The following COL7A1 variants were observed in gnomAD, a reference collection of about 807,000 sequenced individuals.
COL7A1 encodes the protein collagen type VII alpha 1 chain, also known as collagen alpha-1(VII) chain.
COL7A1 carries 296 observed loss-of-function variants against 456.2 expected under a neutral mutation model. The observed-to-expected ratio is 0.65, with a 90% CI of 0.59 to 0.71. The LOEUF (loss-of-function observed/expected upper bound fraction) is 0.71, where lower values mean the gene tolerates loss of function less well. COL7A1 is among the 30% of genes least tolerant of loss of function. The probability of loss-of-function intolerance (pLI) is 0.00; values close to 1 mark genes in which losing one functional copy is unlikely to be tolerated. For synonymous variants in COL7A1, 1,464 were observed against 1,525.9 expected (o/e 0.96, Z 0.95); for missense variants, 3,441 against 4,017.2 (o/e 0.86, Z 3.88).
At position 48,571,509 on chromosome 3, in the gene COL7A1, A is replaced by G. The variant is rs1176034392; in HGVS notation, c.7069-231T>C. Reference sequence around the variant, plus strand: ...ACCATAGACAGGTGGGAGTTCAGGCATGGCACAGGCACAGGGAGCCCACAC... The same window carrying G: ...ACCATAGACAGGTGGGAGTTCAGGCGTGGCACAGGCACAGGGAGCCCACAC... On this transcript the variant is annotated intron_variant, in intron 92 of 118. Coordinates refer to ENST00000681320, the MANE Select transcript of COL7A1 (RefSeq NM_000094.4). This position sits in a 1 kb window ranked among gnomAD's most constrained non-coding sequence, Gnocchi z 4.6. The G allele has an allele frequency of 1.4e-6, 1 of 714,030 alleles. No individual in the cohort carries two copies. 44.2% of individuals were successfully genotyped at this position (714,030 alleles called of 1,614,324 possible).
In COL7A1 at chr3:48,594,611, G is replaced by A. The variant is rs1000009484; in HGVS notation, c.86-63C>T. 1.3e-6 allele frequency: 2 copies of A among 1,520,674 alleles called. No homozygotes were observed. The highest frequency in any genetic ancestry group is 1.8e-6 in the Non-Finnish European group (2 of 1,131,620). 94.2% of individuals were successfully genotyped at this position (1,520,674 alleles called of 1,614,324 possible). A position where few individuals can be genotyped will look rare whatever the true frequency, so the allele number is the denominator to read the frequency against. On this transcript the variant is annotated intron_variant, in intron 2 of 118. Transcript: ENST00000681320. The surrounding 1 kb of genome is among the most constrained non-coding windows in gnomAD (Gnocchi z 5.5). The stretch of plus-strand genomic sequence containing the variant: ...GGCCAACCACCCGCCTACCCGCACG[G>A]TGGCCTCACTGGGACTTGGGATGGT...
Position 48,594,939 on chromosome 3 carries a change from C to T in COL7A1, c.85+136G>A. On this transcript the variant is annotated intron_variant, in intron 2 of 118. Coordinates refer to ENST00000681320, the MANE Select transcript of COL7A1 (RefSeq NM_000094.4). This position sits in a 1 kb window ranked among gnomAD's most constrained non-coding sequence, Gnocchi z 5.5. ...CGATCGCGGAGGGTTCGGGGAGTCC[C>T]AGAATTAGGAGGAATCCGCGGGGCG... 3.9e-6 allele frequency: 3 copies of T among 775,124 alleles called. No individual in the cohort carries two copies. The South Asian group carries it at 5.0e-5, about 13-fold the overall frequency. 48.0% of individuals were successfully genotyped at this position (775,124 alleles called of 1,614,324 possible).
At position 48,587,040 on chromosome 3, in the gene COL7A1, C is replaced by G; in HGVS notation, c.3208G>C (p.Glu1070Gln). Residue 1070 changes from glutamate (E) to glutamine (Q), a missense_variant, in exon 25 of 119, where the codon GAG becomes CAG. This residue lies in a region of COL7A1 where 444 missense variants were observed against 427.6 expected (regional missense o/e 1.04). Transcript: ENST00000681320. This position sits in a 1 kb window ranked among gnomAD's most constrained non-coding sequence, Gnocchi z 6.1. ...CGCTCCAGGACCCTCCTCGTAGCCT[C>G]CGCACGGTGAGCATTGTCTTGAGTG... ...HATQDNAHRAEATRRVLERLV... is the reference protein window; with the variant it reads ...HATQDNAHRAQATRRVLERLV... The G allele has an allele frequency of 6.2e-7, 1 of 1,608,162 alleles. No homozygotes were observed. The highest frequency in any genetic ancestry group is 8.5e-7 in the Non-Finnish European group (1 of 1,177,262).
rs184628850 is a variant in COL7A1 at position 48,578,045 on chromosome 3, T to C, written c.5532+276A>G. On this transcript the variant is annotated intron_variant, in intron 65 of 118. Coordinates refer to ENST00000681320, the MANE Select transcript of COL7A1 (RefSeq NM_000094.4). This position sits in a 1 kb window ranked among gnomAD's most constrained non-coding sequence, Gnocchi z 4.7. Reference sequence around the variant, plus strand: ...CAGGCATGGTGGCGCATGCCTGTAATCCCAGTTACTCGGGAGGTTGAGGCA... The same window carrying C: ...CAGGCATGGTGGCGCATGCCTGTAACCCCAGTTACTCGGGAGGTTGAGGCA... Among the ~76,000 whole-genome samples, 158 of 152,198 alleles carry C rather than the reference T, an allele frequency of 1.0e-3. No individual in the cohort carries two copies. The highest frequency in any genetic ancestry group is 3.2e-3 in the African/African-American group (132 of 41,512).
Position 48,588,652 on chromosome 3 carries a change from A to G in COL7A1, c.2577T>C (p.Val859=), listed in dbSNP as rs747165097. Residue 859 remains valine, a synonymous_variant, in exon 20 of 119, where the codon GTT becomes GTC. Transcript: ENST00000681320. The surrounding 1 kb of genome is among the most constrained non-coding windows in gnomAD (Gnocchi z 4.6). ...GCATGCTCTGCCTACGCGTAGTGAC[A>G]ACAATGGAGACAGGTGTGCCCTCGC... ...GDREGTPVSI[V]VTTPPEAPPA... is the part of the protein sequence containing the mutation. 3.1e-6 allele frequency: 5 copies of G among 1,613,810 alleles called. No homozygotes were observed. The East Asian group carries it at 8.9e-5, about 29-fold the overall frequency.
Position 48,579,940 on chromosome 3 carries a change from G to A in COL7A1, c.5124+91C>T, listed in dbSNP as rs1361148365. The A allele has an allele frequency of 6.2e-7, 1 of 1,605,418 alleles. No homozygotes were observed. Among genetic ancestry groups the A allele is most frequent in the Non-Finnish European group, 8.5e-7 (1 of 1,172,120 alleles). On this transcript the variant is annotated intron_variant, in intron 57 of 118. Coordinates refer to ENST00000681320, the MANE Select transcript of COL7A1 (RefSeq NM_000094.4). The surrounding 1 kb of genome is among the most constrained non-coding windows in gnomAD (Gnocchi z 4.4). ...TTTCAGAGGGACAGTGGGGGAAGTGGGAGTTAGTGGAAGGAATGAGGGGAC... is the reference window on the plus strand; with the variant it reads ...TTTCAGAGGGACAGTGGGGGAAGTGAGAGTTAGTGGAAGGAATGAGGGGAC...
Position 48,590,483 on chromosome 3 carries a change from G to A in COL7A1, c.1882C>T (p.Arg628Trp), listed in dbSNP as rs148836522. The change falls in exon 15 of 119, where the codon CGG becomes TGG. Residue 628 changes from arginine to tryptophan, a missense_variant. By Grantham distance (101) the Arg-to-Trp change is moderately radical. This residue lies in a region of COL7A1 where 913 missense variants were observed against 1,088.2 expected (regional missense o/e 0.84). Transcript: ENST00000681320. The surrounding 1 kb of genome is among the most constrained non-coding windows in gnomAD (Gnocchi z 4.6). ...WGPVPGASGF[R>W]ISWSTGSGPE... ...CCACTGCCTGTGCTCCAGCTAATCC[G>A]AAATCCACTGGCTCCAGGGACGGGT... The A allele has an allele frequency of 2.6e-4, 422 of 1,614,112 alleles. No individual in the cohort carries two copies. The highest frequency in any genetic ancestry group is 3.1e-4 in the Non-Finnish European group (365 of 1,180,028).
rs770021855 is a variant in COL7A1 at position 48,578,394 on chromosome 3, C to T, written c.5488-29G>A. The T allele has an allele frequency of 5.0e-6, 8 of 1,613,256 alleles. No individual in the cohort carries two copies. Among genetic ancestry groups the T allele is most frequent in the African/African-American group, 1.3e-5 (1 of 74,806 alleles). On this transcript the variant is annotated intron_variant, in intron 64 of 118. Coordinates refer to ENST00000681320, the MANE Select transcript of COL7A1 (RefSeq NM_000094.4). The surrounding 1 kb of genome is among the most constrained non-coding windows in gnomAD (Gnocchi z 4.7). ...TGGGAACAGATCACTGGTTGGATGTCGGGGATCGGGTGAGGGTAGTAAGGG... is the reference window on the plus strand; with the variant it reads ...TGGGAACAGATCACTGGTTGGATGTTGGGGATCGGGTGAGGGTAGTAAGGG...
Position 48,573,362 on chromosome 3 carries a change from A to G in COL7A1, c.6619-14T>C. 6.2e-7 allele frequency: 1 copy of G among 1,614,032 alleles called. No individual in the cohort carries two copies. The highest frequency in any genetic ancestry group is 8.5e-7 in the Non-Finnish European group (1 of 1,180,010). On this transcript the variant is annotated splice_polypyrimidine_tract_variant and intron_variant, in intron 83 of 118. Coordinates refer to ENST00000681320, the MANE Select transcript of COL7A1 (RefSeq NM_000094.4). This position sits in a 1 kb window ranked among gnomAD's most constrained non-coding sequence, Gnocchi z 5.5. The stretch of plus-strand genomic sequence containing the variant: ...TCCAGGCTCCCCCTGCAAACAACCC[A>G]GAGACTGCATGAGCAGAGCCCACGT...
Position 48,579,851 on chromosome 3 carries a change from C to A in COL7A1, c.5125-37G>T, listed in dbSNP as rs368593045. 167 of 1,613,804 alleles carry A rather than the reference C, an allele frequency of 1.0e-4. 2 individuals carry two copies. In the African/African-American group the frequency reaches 1.9e-3, roughly 18 times the overall value. On this transcript the variant is annotated intron_variant, in intron 57 of 118. Transcript: ENST00000681320. The surrounding 1 kb of genome is among the most constrained non-coding windows in gnomAD (Gnocchi z 4.4). ...ATGACCAGTGAGAAGAATGGCTCAA[C>A]AAGGGGAAGAGGAGTTGGCGAGGGG...
chr3:48,593,343 G>T lies in COL7A1; in HGVS notation c.520+13C>A. On this transcript the variant is annotated intron_variant, in intron 5 of 118. Transcript: ENST00000681320. The surrounding 1 kb of genome is among the most constrained non-coding windows in gnomAD (Gnocchi z 4.4). ...ACCCCCCAGCTGACCTGTCACTCCT[G>T]CTCGGTCCTTACCCACAGCAAATAG... 6.2e-7 allele frequency: 1 copy of T among 1,613,966 alleles called. No homozygotes were observed. Among genetic ancestry groups the T allele is most frequent in the Non-Finnish European group, 8.5e-7 (1 of 1,179,998 alleles).
Position 48,594,301 on chromosome 3 carries a change from C to G in COL7A1, c.266+67G>C. ...CCTGGCCTGGGGTTTCCAGGGTCTC[C>G]TCCCTCTCTGGGGAAGGAGTCTTGG... On this transcript the variant is annotated intron_variant, in intron 3 of 118. Transcript: ENST00000681320. This position sits in a 1 kb window ranked among gnomAD's most constrained non-coding sequence, Gnocchi z 5.5. 1 of 1,580,398 alleles carries G rather than the reference C, an allele frequency of 6.3e-7. No homozygotes were observed. The highest frequency in any genetic ancestry group is 8.6e-7 in the Non-Finnish European group (1 of 1,161,828).
In COL7A1 at chr3:48,572,793, C is replaced by T; in HGVS notation, c.6832-54G>A. ...TGCCTCTCCACCACCACCCCTGCTGCCCCACTCCTCATATTTCAGGCCCAC... is the reference window on the plus strand; with the variant it reads ...TGCCTCTCCACCACCACCCCTGCTGTCCCACTCCTCATATTTCAGGCCCAC... On this transcript the variant is annotated intron_variant, in intron 87 of 118. Coordinates refer to ENST00000681320, the MANE Select transcript of COL7A1 (RefSeq NM_000094.4). The surrounding 1 kb of genome is among the most constrained non-coding windows in gnomAD (Gnocchi z 4.6). 1 of 1,612,352 alleles carries T rather than the reference C, an allele frequency of 6.2e-7. No homozygotes were observed. Among genetic ancestry groups the T allele is most frequent in the South Asian group, 1.1e-5 (1 of 90,986 alleles).
chr3:48,583,486 G>A lies in COL7A1; in HGVS notation c.4402-58C>T, dbSNP rs2044940083. On this transcript the variant is annotated intron_variant, in intron 41 of 118. Coordinates refer to ENST00000681320, the MANE Select transcript of COL7A1 (RefSeq NM_000094.4). This position sits in a 1 kb window ranked among gnomAD's most constrained non-coding sequence, Gnocchi z 5.1. ...TGGGTTTGGGCATGAGGATGGAGCAGTGGTTGATGATTGAGGTAGGGGCTG... is the reference window on the plus strand; with the variant it reads ...TGGGTTTGGGCATGAGGATGGAGCAATGGTTGATGATTGAGGTAGGGGCTG... The A allele has an allele frequency of 6.2e-7, 1 of 1,613,746 alleles. No homozygotes were observed. Among genetic ancestry groups the A allele is most frequent in the Admixed American group, 1.7e-5 (1 of 60,000 alleles).
In COL7A1 at chr3:48,585,036, CT is replaced by C; in HGVS notation, c.3974del (p.Lys1325ArgfsTer74). On this transcript the variant is annotated frameshift_variant and splice_region_variant, in exon 33 of 119. Transcript: ENST00000681320. LOFTEE classifies it high-confidence loss of function. This position sits in a 1 kb window ranked among gnomAD's most constrained non-coding sequence, Gnocchi z 4.5. ...NPGTPGAPGL[K>X]GSPGLPGPRG... The stretch of plus-strand genomic sequence containing the variant: ...GACCTGCAGGACAAGGCTTGCTCAC[CT>C]TTAGGCCAGGGGCTCCAGGGGTCCC... The C allele has an allele frequency of 6.2e-7, 1 of 1,613,368 alleles. No individual in the cohort carries two copies. Among genetic ancestry groups the C allele is most frequent in the South Asian group, 1.1e-5 (1 of 91,076 alleles).
rs1486992935 is a variant in COL7A1, at chr3:48,564,892, GGCCTCTGTGCT to G, written c.8698_8708del (p.Ser2900LeufsTer20). 16 of 1,614,082 alleles carry G rather than the reference GGCCTCTGTGCT, an allele frequency of 9.9e-6. No homozygotes were observed. The highest frequency in any genetic ancestry group is 1.4e-5 in the Non-Finnish European group (16 of 1,180,040). ...AGCCACCATAGACAAAAGGGTGACAGGCCTCTGTGCTGCCTGTCACAGCCCGATGGTACCAG... is the reference window on the plus strand; with the variant it reads ...AGCCACCATAGACAAAAGGGTGACAGGCCTGTCACAGCCCGATGGTACCAG... On this transcript the variant is annotated frameshift_variant, in exon 118 of 119. Coordinates refer to ENST00000681320, the MANE Select transcript of COL7A1 (RefSeq NM_000094.4). LOFTEE classifies it high-confidence loss of function. The surrounding 1 kb of genome is among the most constrained non-coding windows in gnomAD (Gnocchi z 6.0).
chr3:48,573,531 T>G lies in COL7A1; in HGVS notation c.6600A>C (p.Gln2200His). ...GACTCACCTTCAGGCCAGAAGGTCC[T>G]TGGGGTCCTGCAGGGCCAGCAAGAC... ...APGLAGPAGP[Q>H]GPSGLKGEPG... Residue 2200 changes from glutamine to histidine, a missense_variant, in exon 83 of 119, where the codon CAA (glutamine) becomes CAC (histidine). Physicochemically the swap from Gln to His is conservative, Grantham distance 24. Around this residue, in one of 3 missense-constraint regions of COL7A1, gnomAD observed 2,084 missense variants for 2,501.3 expected, o/e 0.83. Coordinates refer to ENST00000681320, the MANE Select transcript of COL7A1 (RefSeq NM_000094.4). The surrounding 1 kb of genome is among the most constrained non-coding windows in gnomAD (Gnocchi z 5.5). 1.2e-6 allele frequency: 2 copies of G among 1,614,064 alleles called. No individual in the cohort carries two copies. The highest frequency in any genetic ancestry group is 8.5e-7 in the Non-Finnish European group (1 of 1,180,000).
At chr3:48,584,596 G>T (rs369853060) in intron 35 of COL7A1, 40 bp from the exon 36 acceptor site, 5 of 1,613,532 alleles carry the variant, frequency 3.1e-6, no homozygotes, top group Non-Finnish European at 4.2e-6. Flanking sequence ...TCAGGCTATG[G>T]GGGCCTTGAG....
chr3:48,569,339 G>A lies in COL7A1; in HGVS notation c.7686+36C>T. 1 of 1,610,364 alleles carries A rather than the reference G, an allele frequency of 6.2e-7. No individual in the cohort carries two copies. Among genetic ancestry groups the A allele is most frequent in the African/African-American group, 1.3e-5 (1 of 74,818 alleles). ...TGCTGTGGAACCACCACAGCCACAG[G>A]ACCCCACAGAGAGTACACCACCCTC... On this transcript the variant is annotated intron_variant, in intron 103 of 118. Transcript: ENST00000681320. This position sits in a 1 kb window ranked among gnomAD's most constrained non-coding sequence, Gnocchi z 4.9.
Sources: gnomAD v4.1 joint callset for allele counts (sites outside exome capture counted in the v4.1 genomes callset) on GRCh38, gnomAD v4.1.1 for gene constraint, gnomAD v4.1.1 regional missense constraint, Gnocchi (gnomAD v3.1) non-coding constraint, MANE v1.5 for transcripts, NCBI Gene and HGNC (gene_info 2026-07-23, HGNC 2026-07-21) for gene names.